Variants in FGD4 observed in about 807,000 individuals in gnomAD.
FGD4 encodes the protein FYVE, RhoGEF and PH domain containing 4.
In FGD4, 42 loss-of-function variants were observed where a neutral mutation model predicts 102.0. That is an observed-to-expected ratio of 0.41 (90% CI 0.32 to 0.53). FGD4 has a LOEUF of 0.53. Among genes scored for constraint, FGD4 ranks in the 20% least tolerant of loss-of-function variants. The pLI is 0.21. For missense variants in FGD4, 902 were observed against 1,078.2 expected, an observed-to-expected ratio of 0.84 and a Z score of 2.29; for synonymous variants, 380 against 375.7, an observed-to-expected ratio of 1.01 and a Z score of -0.13.
intron 1 of FGD4, among the ~76,000 whole-genome samples, chr12:32,532,871 T>C (rs1941931872): frequency 6.6e-6 from 1 of 152,220 alleles, no homozygotes; most frequent in Non-Finnish European, 1.5e-5. Context: ...CTGTATCAGA[T>C]TAATTGTAAA....
At position 32,576,251 on chromosome 12, in the gene FGD4, A is replaced by G; in HGVS notation, c.320-15A>G. 2.6e-6 allele frequency: 4 copies of G among 1,562,754 alleles called. No homozygotes were observed. The highest frequency in any genetic ancestry group is 3.5e-6 in the Non-Finnish European group (4 of 1,151,938). ...AAATATCAGTGAAATACTATATTCT[A>G]TTCTTTTTCTACAGTGCCTCCAAAG... On this transcript the variant is annotated splice_polypyrimidine_tract_variant and intron_variant, in intron 2 of 16. Coordinates refer to ENST00000534526, the MANE Select transcript of FGD4 (RefSeq NM_001370298.3).
rs1951162695 is a variant in FGD4 at position 32,641,687 on chromosome 12, A to G, written c.*1154A>G. The G allele has an allele frequency of 6.6e-6, 1 of 152,162 alleles. No individual in the cohort carries two copies. The highest frequency in any genetic ancestry group is 1.5e-5 in the Non-Finnish European group (1 of 68,006). The allele number at this position is 152,162 out of a possible 1,614,324, so 9.4% of individuals were successfully genotyped here. On this transcript the variant is annotated 3_prime_UTR_variant, in exon 17 of 17. Coordinates refer to ENST00000534526, the MANE Select transcript of FGD4 (RefSeq NM_001370298.3). ...TCGTAATGTTTTTCTTTTCCGTAAG[A>G]TAATCGAGCATGGTTAAATAAGGTC...
At chr12:32,637,140 C>T (rs1476171130) in intron 15 of FGD4, among the ~76,000 whole-genome samples, 1 of 149,436 alleles carries the variant, frequency 6.7e-6, no homozygotes, top group Admixed American at 6.7e-5. Context: ...CTACCTGCCT[C>T]TGCCTCCCAA....
chr12:32,438,899 C>T (rs1942329105), intron 1 of FGD4, among the ~76,000 whole-genome samples: 1 of 152,112 alleles, frequency 6.6e-6, no homozygotes. Context: ...TGAGCCACTG[C>T]GCCCGGCCCT....
intron 10 of FGD4, among the ~76,000 whole-genome samples, chr12:32,614,017 A>G (rs575321529): frequency 6.6e-6 from 1 of 152,344 alleles, no homozygotes; most frequent in East Asian, 1.9e-4. Flanking sequence ...AACCTGCAGC[A>G]GCAGACCATC....
At chr12:32,543,852 C>T (rs1323207622) in intron 1 of FGD4, among the ~76,000 whole-genome samples, 1 of 152,146 alleles carries the variant, frequency 6.6e-6, no homozygotes, top group East Asian at 1.9e-4. Flanking sequence ...TGGTCTTGAT[C>T]TCCTGACCTC....
At chr12:32,564,038 G>T (rs920308110) in intron 1 of FGD4, 99 bp from the exon 2 acceptor site, 7 of 1,115,312 alleles carry the variant, frequency 6.3e-6, no homozygotes, top group Non-Finnish European at 2.5e-6. Flanking sequence ...GGAGGGGGAG[G>T]GGGAGGGAGA....
At chr12:32,419,779 C>T (rs902219769) in intron 1 of FGD4, among the ~76,000 whole-genome samples, 1 of 151,980 alleles carries the variant, frequency 6.6e-6, no homozygotes, top group Non-Finnish European at 1.5e-5. Context: ...TGGCTAAGGC[C>T]AGTCCAAATG....
intron 1 of FGD4, among the ~76,000 whole-genome samples, chr12:32,438,636 G>A (rs1180705106): frequency 2.0e-5 from 3 of 150,692 alleles, no homozygotes; most frequent in Non-Finnish European, 4.4e-5. Context: ...TTGAGATGGA[G>A]TCTCGCTCTG....
intron 1 of FGD4, among the ~76,000 whole-genome samples, chr12:32,460,502 C>CA (rs111317093): frequency 0.32 from 40,194 of 127,192 alleles, 5,971 homozygotes; most frequent in Middle Eastern, 0.4. Flanking sequence ...GACCCGGTCT[C>CA]AAAAAAAAAA....
intron 1 of FGD4, among the ~76,000 whole-genome samples, chr12:32,557,244 A>C (rs1944195533): frequency 6.6e-6 from 1 of 152,200 alleles, no homozygotes; most frequent in South Asian, 2.1e-4. Flanking sequence ...ATACATTTTT[A>C]TTATAAAAGA....
chr12:32,645,181 A>G lies in FGD4; in HGVS notation c.*4648A>G, dbSNP rs145671288. On this transcript the variant is annotated 3_prime_UTR_variant, in exon 17 of 17. Coordinates refer to ENST00000534526, the MANE Select transcript of FGD4 (RefSeq NM_001370298.3). ...TTTGGGAAGAAACTAGTCTGTGGGG[A>G]CCATTATAAGAGAATCACATTATAT... 181 of 152,248 alleles carry G rather than the reference A, an allele frequency of 1.2e-3. No homozygotes were observed. Among genetic ancestry groups the G allele is most frequent in the African/African-American group, 4.2e-3 (173 of 41,570 alleles). 9.4% of individuals were successfully genotyped at this position (152,248 alleles called of 1,614,324 possible).
intron 3 of FGD4, 70 bp from the exon 4 acceptor site, chr12:32,581,890 T>C (rs772882656): frequency 6.4e-7 from 1 of 1,562,742 alleles, no homozygotes; most frequent in Non-Finnish European, 8.8e-7. Context: ...TCAACTGGAA[T>C]AAACTTGTCT....
chr12:32,491,143 A>C (rs895332274), intron 1 of FGD4, among the ~76,000 whole-genome samples: 2 of 150,824 alleles, frequency 1.3e-5, no homozygotes, highest in Non-Finnish European at 3.0e-5. Flanking sequence ...AAAAAAAAAA[A>C]AAAAAAACAA....
chr12:32,502,329 C>T, intron 1 of FGD4: 1 of 985,374 alleles, frequency 1.0e-6, no homozygotes, highest in Non-Finnish European at 1.2e-6. Flanking sequence ...ATAAATTCAG[C>T]TTTTATAAGG....
At chr12:32,593,473 G>A (rs4931020) in intron 4 of FGD4, among the ~76,000 whole-genome samples, 72,755 of 151,870 alleles carry the variant, frequency 0.48, 19,135 homozygotes, top group African/African-American at 0.71. Flanking sequence ...CATGTAGAAG[G>A]TGGTCTGTGT....
At chr12:32,542,581 G>C (rs1196332009) in intron 1 of FGD4, among the ~76,000 whole-genome samples, 1 of 152,066 alleles carries the variant, frequency 6.6e-6, no homozygotes, top group Non-Finnish European at 1.5e-5. Flanking sequence ...TTTGGCAGTG[G>C]GCAGAAGCAA....
intron 1 of FGD4, among the ~76,000 whole-genome samples, chr12:32,526,655 G>A (rs867747523): frequency 2.6e-5 from 4 of 152,196 alleles, no homozygotes; most frequent in Admixed American, 6.5e-5. Flanking sequence ...CACACTGTGG[G>A]AGCTTTGTTC....
chr12:32,429,271 A>G (rs1481685893), intron 1 of FGD4, among the ~76,000 whole-genome samples: 1 of 152,148 alleles, frequency 6.6e-6, no homozygotes, highest in Non-Finnish European at 1.5e-5. Flanking sequence ...TTTCCTTCTA[A>G]CAGTCAGGGT....
Sources: gnomAD v4.1 joint callset for allele counts (sites outside exome capture counted in the v4.1 genomes callset) on GRCh38, gnomAD v4.1.1 for gene constraint, MANE v1.5 for transcripts, NCBI Gene and HGNC (gene_info 2026-07-23, HGNC 2026-07-21) for gene names.